ESR1: variants seen among roughly 807,000 people sequenced by gnomAD.
ESR1 encodes estrogen receptor.
ESR1 carries 12 observed loss-of-function variants against 52.7 expected under a neutral mutation model. That is an observed-to-expected ratio of 0.23 (90% confidence interval 0.15 to 0.37). ESR1 has a LOEUF of 0.37. ESR1 is among the 10% of genes least tolerant of loss of function. The pLI is 1.00. For synonymous variants in ESR1, 305 were observed against 316.8 expected (o/e 0.96, Z 0.39); for missense variants, 584 against 779.7 (o/e 0.75, Z 2.99).
intron 1 of ESR1, among the ~76,000 whole-genome samples, chr6:151,684,294 G>A (rs1162298258): frequency 6.6e-6 from 1 of 152,168 alleles, no homozygotes; most frequent in Non-Finnish European, 1.5e-5. Context: ...GCATAGGATG[G>A]TGGGAGCAGG....
At chr6:152,065,342 T>C (rs2047883250) in intron 6 of ESR1, among the ~76,000 whole-genome samples, 2 of 152,208 alleles carry the variant, frequency 1.3e-5, no homozygotes, top group Admixed American at 1.3e-4. Context: ...CATGGGTTCA[T>C]GCATCATTCA....
chr6:151,667,886 T>C (rs538494317), intron 1 of ESR1, among the ~76,000 whole-genome samples: 1 of 152,342 alleles, frequency 6.6e-6, no homozygotes, highest in African/African-American at 2.4e-5. Context: ...TTATGTGTAT[T>C]TCATATATTG....
chr6:152,009,089 G>C (rs759218074), intron 4 of ESR1, among the ~76,000 whole-genome samples: 1 of 152,082 alleles, frequency 6.6e-6, no homozygotes, highest in Non-Finnish European at 1.5e-5. Flanking sequence ...GCATGCTGTA[G>C]AGATACCTGT....
chr6:152,063,032 A>G (rs2047672963), intron 6 of ESR1, among the ~76,000 whole-genome samples: 1 of 152,192 alleles, frequency 6.6e-6, no homozygotes, highest in Non-Finnish European at 1.5e-5. Flanking sequence ...CCCAGGGGGA[A>G]AAAACTTTCA....
intron 3 of ESR1, among the ~76,000 whole-genome samples, chr6:151,907,733 G>A (rs1385657923): frequency 2.6e-5 from 4 of 151,974 alleles, no homozygotes; most frequent in Non-Finnish European, 4.4e-5. Flanking sequence ...ATCCTTGCAC[G>A]CCACAGTAAT....
intron 3 of ESR1, among the ~76,000 whole-genome samples, chr6:151,923,811 G>C (rs1182618586): frequency 6.6e-6 from 1 of 152,306 alleles, no homozygotes; most frequent in Middle Eastern, 3.4e-3. Flanking sequence ...TTTCAAATTA[G>C]TTGGGTAAAT....
At chr6:151,760,133 C>T (rs1183582445) in intron 2 of ESR1, among the ~76,000 whole-genome samples, 23 of 152,138 alleles carry the variant, frequency 1.5e-4, no homozygotes, top group Admixed American at 1.5e-3. Flanking sequence ...ACCAATTCCC[C>T]TACCACGTCC....
chr6:151,888,228 T>C (rs1794176713), intron 3 of ESR1, among the ~76,000 whole-genome samples: 1 of 152,200 alleles, frequency 6.6e-6, no homozygotes, highest in African/African-American at 2.4e-5. Flanking sequence ...TTGATAGGCA[T>C]TGCATTGAAT....
chr6:152,122,681 G>A, intron 6 of ESR1: 1 of 1,613,794 alleles, frequency 6.2e-7, no homozygotes, highest in Non-Finnish European at 8.5e-7. Context: ...GTGGACCTGA[G>A]AGAAGAATGG....
intron 1 of ESR1, among the ~76,000 whole-genome samples, chr6:151,692,903 G>A (rs1029016898): frequency 1.3e-5 from 2 of 152,202 alleles, no homozygotes; most frequent in Non-Finnish European, 2.9e-5. Context: ...ATATTCGCTG[G>A]AAAGCTGATA....
chr6:151,752,967 G>A (rs1784008120), intron 2 of ESR1, among the ~76,000 whole-genome samples: 1 of 152,112 alleles, frequency 6.6e-6, no homozygotes, highest in Admixed American at 6.6e-5. Context: ...TTTTAAAAGA[G>A]CCAAGAACAC....
intron 2 of ESR1, among the ~76,000 whole-genome samples, chr6:151,706,149 C>T (rs554354236): frequency 1.9e-4 from 29 of 152,316 alleles, no homozygotes; most frequent in African/African-American, 7.0e-4. Flanking sequence ...ACCCTGCATG[C>T]ACATATAGAT....
intron 6 of ESR1, among the ~76,000 whole-genome samples, chr6:152,089,166 G>A (rs991905258): frequency 6.6e-6 from 1 of 152,182 alleles, no homozygotes; most frequent in Non-Finnish European, 1.5e-5. Flanking sequence ...CGATGTCAAT[G>A]TAAAACAGAT....
chr6:151,855,268 A>C (rs564794952), intron 2 of ESR1, among the ~76,000 whole-genome samples: 1 of 152,214 alleles, frequency 6.6e-6, no homozygotes, highest in Non-Finnish European at 1.5e-5. Context: ...CAGTTAAGCC[A>C]TGATGGTATA....
chr6:152,119,980 T>C (rs2051266816), intron 6 of ESR1, among the ~76,000 whole-genome samples: 1 of 152,248 alleles, frequency 6.6e-6, no homozygotes, highest in Admixed American at 6.5e-5. Context: ...AAATGGATGT[T>C]CTACACCCCT....
intron 2 of ESR1, among the ~76,000 whole-genome samples, chr6:151,756,371 C>G (rs1784287278): frequency 6.6e-6 from 1 of 152,110 alleles, no homozygotes; most frequent in African/African-American, 2.4e-5. Flanking sequence ...CCTCGGCCTC[C>G]CGAGTAGCTG....
intron 2 of ESR1, among the ~76,000 whole-genome samples, chr6:151,724,380 G>A (rs535694334): frequency 6.6e-6 from 1 of 152,248 alleles, no homozygotes; most frequent in South Asian, 2.1e-4. Flanking sequence ...AACCCACGAA[G>A]GAGTTTGGAG....
At position 152,094,653 on chromosome 6, in the gene ESR1, G is replaced by A. The variant is rs149391135; in HGVS notation, c.1553+85G>A. ...TGTGACAGCTGGCCGGGAAGGACTG[G>A]TGCCTGCATATGGAGAGTGCACTTG... On this transcript the variant is annotated intron_variant, in intron 7 of 7. Transcript: ENST00000206249. This position sits in a 1 kb window ranked among gnomAD's most constrained non-coding sequence, Gnocchi z 4.6. The A allele has an allele frequency of 7.2e-5, 91 of 1,266,604 alleles. No individual in the cohort carries two copies. The African/African-American group carries it at 1.2e-3, about 17-fold the overall frequency. 78.5% of individuals were successfully genotyped at this position (1,266,604 alleles called of 1,614,324 possible). A position where few individuals can be genotyped will look rare whatever the true frequency, so the allele number is the denominator to read the frequency against.
At chr6:151,901,735 G>C (rs1028729499) in intron 3 of ESR1, among the ~76,000 whole-genome samples, 1 of 152,216 alleles carries the variant, frequency 6.6e-6, no homozygotes, top group African/African-American at 2.4e-5. Flanking sequence ...GTGTTCGGGG[G>C]TGGGCTATCC....
Sources: gnomAD v4.1 joint callset for allele counts (sites outside exome capture counted in the v4.1 genomes callset) on GRCh38, gnomAD v4.1.1 for gene constraint, Gnocchi (gnomAD v3.1) non-coding constraint, MANE v1.5 for transcripts, NCBI Gene and HGNC (gene_info 2026-07-23, HGNC 2026-07-21) for gene names.